The following SIN3A variants were observed in gnomAD, a reference collection of about 807,000 sequenced individuals.
SIN3A encodes the protein SIN3 transcription regulator family member A.
Under a neutral mutation model 146.1 loss-of-function variants are expected in SIN3A, and 14 were observed. That is an observed-to-expected ratio of 0.10 (90% CI 0.06 to 0.15). The LOEUF is 0.15. Among genes scored for constraint, SIN3A ranks in the 10% least tolerant of loss-of-function variants. The probability of loss-of-function intolerance (pLI) is 1.00; values close to 1 mark genes in which losing one functional copy is unlikely to be tolerated. For synonymous variants in SIN3A, 572 were observed against 572.0 expected, an observed-to-expected ratio of 1.00 and a Z score of 0.00; for missense variants, 1,028 against 1,576.0, an observed-to-expected ratio of 0.65 and a Z score of 5.89.
upstream of SIN3A, chr15:75,454,092 C>T (rs949274578): frequency 2.0e-5 from 3 of 152,134 alleles, no homozygotes; most frequent in Non-Finnish European, 1.5e-5. Context: ...CTACCCGCCC[C>T]ACCAATCAGA....
chr15:75,439,322 C>G (rs1595926754), intron 1 of SIN3A, among the ~76,000 whole-genome samples: 1 of 152,086 alleles, frequency 6.6e-6, no homozygotes, highest in East Asian at 1.9e-4. Flanking sequence ...TAAGTTTAAT[C>G]ATAACCCCAA....
chr15:75,398,387 G>T (rs568291202), intron 12 of SIN3A, among the ~76,000 whole-genome samples: 1 of 152,184 alleles, frequency 6.6e-6, no homozygotes, highest in Non-Finnish European at 1.5e-5. Flanking sequence ...TCAAAATAAA[G>T]CTCCTGGGAC....
intron 16 of SIN3A, 114 bp downstream of exon 16, chr15:75,389,538 C>G: frequency 5.0e-6 from 5 of 997,540 alleles, no homozygotes; most frequent in Non-Finnish European, 7.6e-6. Flanking sequence ...TCTTCAGAAC[C>G]CTACGTTCAT....
intron 3 of SIN3A, chr15:75,415,544 C>A: frequency 5.0e-6 from 1 of 199,948 alleles, no homozygotes; most frequent in Non-Finnish European, 1.0e-5. Context: ...CCTCCAAAGC[C>A]AGAGCCCAAC....
At chr15:75,372,522 T>TA (rs796478796) in intron 20 of SIN3A, among the ~76,000 whole-genome samples, 41 of 152,180 alleles carry the variant, frequency 2.7e-4, no homozygotes, top group African/African-American at 8.0e-4. Flanking sequence ...GGGAATGTGT[T>TA]AAAAAATACA....
At chr15:75,411,271 T>A (rs557697580) in intron 6 of SIN3A, among the ~76,000 whole-genome samples, 26 of 152,330 alleles carry the variant, frequency 1.7e-4, no homozygotes, top group African/African-American at 6.0e-4. Context: ...GAGACTGCAG[T>A]GAGCTGAGAT....
intron 2 of SIN3A, among the ~76,000 whole-genome samples, chr15:75,427,289 C>T (rs2073940932): frequency 6.6e-6 from 1 of 152,048 alleles, no homozygotes; most frequent in East Asian, 1.9e-4. Context: ...ATGAGAATCA[C>T]TTGAACCTGG....
upstream of SIN3A, among the ~76,000 whole-genome samples, chr15:75,454,644 C>T (rs1307038795): frequency 6.6e-6 from 1 of 151,956 alleles, no homozygotes; most frequent in Non-Finnish European, 1.5e-5. Flanking sequence ...ACCTTCACTG[C>T]CCCTTTCAGG....
At chr15:75,418,091 G>C (rs1035929288) in intron 3 of SIN3A, among the ~76,000 whole-genome samples, 1 of 151,960 alleles carries the variant, frequency 6.6e-6, no homozygotes, top group Non-Finnish European at 1.5e-5. Flanking sequence ...GAGTGCAAAG[G>C]CACGATCTCA....
upstream of SIN3A, chr15:75,455,067 C>A (rs1485125279): frequency 5.6e-5 from 8 of 143,330 alleles, no homozygotes; most frequent in African/African-American, 2.0e-4. Context: ...TCCCGCAAGT[C>A]CGGTGTTGCC....
chr15:75,400,254 G>C, intron 11 of SIN3A, 98 bp from the exon 12 acceptor site: 1 of 684,766 alleles, frequency 1.5e-6, no homozygotes, highest in East Asian at 2.5e-5. Context: ...CAGAGAAATA[G>C]GCAACTAATA....
Position 75,377,579 on chromosome 15 carries a change from C to T in SIN3A, c.3384-1707G>A, listed in dbSNP as rs532460793. ...GGTGGAGGCTGCAGTAAGCCAAGAT[C>T]GCGCCACTGCACTCCAGCTTGGGCA... is the stretch of plus-strand genomic sequence containing the variant. On this transcript the variant is annotated intron_variant, in intron 19 of 20. Coordinates refer to ENST00000394947, the MANE Select transcript of SIN3A (RefSeq NM_001145358.2). 9.9e-5 allele frequency among the ~76,000 whole-genome samples: 15 copies of T among 151,170 alleles called. No homozygotes were observed. The South Asian group carries it at 3.1e-3, about 32-fold the overall frequency.
intron 3 of SIN3A, among the ~76,000 whole-genome samples, chr15:75,416,824 A>C (rs1458016933): frequency 6.6e-6 from 1 of 152,260 alleles, no homozygotes; most frequent in Non-Finnish European, 1.5e-5. Flanking sequence ...CAGTGATGCC[A>C]CTGAAATGGC....
At chr15:75,394,954 G>A (rs2073275610) in intron 13 of SIN3A, 91 bp from the exon 14 acceptor site, 1 of 1,233,734 alleles carries the variant, frequency 8.1e-7, no homozygotes, top group African/African-American at 1.5e-5. Context: ...GTTAAAGAAA[G>A]GTGCAAAGCT....
intron 12 of SIN3A, among the ~76,000 whole-genome samples, chr15:75,397,223 CAACT>C (rs942036040): frequency 4.6e-5 from 7 of 152,098 alleles, no homozygotes; most frequent in Non-Finnish European, 8.8e-5. Context: ...GGTCTACAAC[CAACT>C]GTTTGCAGAA....
intron 19 of SIN3A, chr15:75,376,090 A>G (rs1251264960): frequency 6.8e-6 from 4 of 589,464 alleles, no homozygotes; most frequent in Non-Finnish European, 9.0e-6. Flanking sequence ...TACTTGACTT[A>G]GCAGATGTAG....
intron 19 of SIN3A, among the ~76,000 whole-genome samples, chr15:75,378,704 C>T (rs1184244003): frequency 6.6e-6 from 1 of 151,892 alleles, no homozygotes; most frequent in Non-Finnish European, 1.5e-5. Flanking sequence ...TCACATATTT[C>T]AATCAAACAA....
intron 19 of SIN3A, 142 bp from the exon 20 acceptor site, chr15:75,376,014 C>T: frequency 1.2e-6 from 1 of 808,978 alleles, no homozygotes; most frequent in Admixed American, 2.6e-5. Context: ...TCAGTTGTTT[C>T]ACTGCAAAAA....
At chr15:75,414,641 T>A (rs2073700885) in intron 3 of SIN3A, among the ~76,000 whole-genome samples, 1 of 152,164 alleles carries the variant, frequency 6.6e-6, no homozygotes, top group African/African-American at 2.4e-5. Context: ...GTACCAAGGA[T>A]TCAATGACAA....
Sources: gnomAD v4.1 joint callset for allele counts (sites outside exome capture counted in the v4.1 genomes callset) on GRCh38, gnomAD v4.1.1 for gene constraint, MANE v1.5 for transcripts, NCBI Gene and HGNC (gene_info 2026-07-23, HGNC 2026-07-21) for gene names.